Variants in FHIP1A observed in about 807,000 individuals in gnomAD.
FHIP1A encodes FHF complex subunit HOOK-interacting protein 1A.
Under a neutral mutation model 88.6 loss-of-function variants are expected in FHIP1A, and 61 were observed. The observed-to-expected ratio is 0.69, with a 90% confidence interval of 0.56 to 0.85. FHIP1A has a LOEUF of 0.85. Ranked by LOEUF, FHIP1A falls within the 40% of genes least tolerant of loss-of-function variation. The pLI, the probability that FHIP1A is intolerant of heterozygous loss-of-function variation, is 0.00. For synonymous variants in FHIP1A, 478 were observed against 496.0 expected (o/e 0.96, Z 0.48); for missense variants, 1,154 against 1,273.5 (o/e 0.91, Z 1.43).
At chr4:151,476,728 A>G (rs1729721738) in intron 2 of FHIP1A, among the ~76,000 whole-genome samples, 1 of 152,232 alleles carries the variant, frequency 6.6e-6, no homozygotes, top group African/African-American at 2.4e-5. Context: ...TAATGGGAAT[A>G]TGTGACTCAA....
intron 1 of FHIP1A, among the ~76,000 whole-genome samples, chr4:151,436,961 T>A (rs1178141577): frequency 2.0e-5 from 3 of 152,144 alleles, no homozygotes; most frequent in Non-Finnish European, 4.4e-5. Context: ...ATCTAAATAC[T>A]ATGCAAATAG....
chr4:151,614,993 T>G (rs1735465596), intron 7 of FHIP1A, among the ~76,000 whole-genome samples: 1 of 152,164 alleles, frequency 6.6e-6, no homozygotes, highest in South Asian at 2.1e-4. Flanking sequence ...CAGAAGCTGT[T>G]TTCTGCAGTA....
chr4:151,640,412 C>G (rs1736542220), intron 9 of FHIP1A, among the ~76,000 whole-genome samples: 1 of 152,116 alleles, frequency 6.6e-6, no homozygotes, highest in South Asian at 2.1e-4. Context: ...GAAAACAAAT[C>G]CAATCTTAAA....
chr4:151,617,538 G>A (rs1035704288), intron 7 of FHIP1A, among the ~76,000 whole-genome samples: 1 of 152,050 alleles, frequency 6.6e-6, no homozygotes, highest in South Asian at 2.1e-4. Flanking sequence ...GTTCATTCTT[G>A]CTCCCGTGTT....
chr4:151,537,499 C>T (rs566254065), intron 3 of FHIP1A, among the ~76,000 whole-genome samples: 84 of 152,214 alleles, frequency 5.5e-4, no homozygotes, highest in African/African-American at 1.7e-3. Flanking sequence ...AGACACTAGT[C>T]CTTTTTCAAG....
intron 11 of FHIP1A, among the ~76,000 whole-genome samples, chr4:151,652,572 A>G (rs1737068099): frequency 6.6e-6 from 1 of 152,238 alleles, no homozygotes. Flanking sequence ...CATTAAAGGA[A>G]TTCACAGACT....
intron 1 of FHIP1A, chr4:151,436,638 G>T (rs1158890713): frequency 6.6e-6 from 1 of 152,146 alleles, no homozygotes; most frequent in African/African-American, 2.4e-5. Flanking sequence ...ACTTGACAAA[G>T]TGTCATCTTT....
intron 3 of FHIP1A, among the ~76,000 whole-genome samples, chr4:151,560,670 C>G (rs1268198521): frequency 6.6e-6 from 1 of 152,060 alleles, no homozygotes; most frequent in Non-Finnish European, 1.5e-5. Context: ...ATCAAGAGTA[C>G]AGTGATCAGT....
chr4:151,524,907 A>G (rs1008349924), intron 3 of FHIP1A, among the ~76,000 whole-genome samples: 2 of 152,224 alleles, frequency 1.3e-5, no homozygotes, highest in African/African-American at 4.8e-5. Flanking sequence ...GAACTAAGAT[A>G]CTATAATAAA....
chr4:151,487,423 T>A (rs1015288495), intron 3 of FHIP1A, among the ~76,000 whole-genome samples: 1 of 152,146 alleles, frequency 6.6e-6, no homozygotes, highest in African/African-American at 2.4e-5. Flanking sequence ...TGCTTTTTCA[T>A]GTTGGCTAGG....
intron 9 of FHIP1A, among the ~76,000 whole-genome samples, chr4:151,639,927 C>T (rs890362858): frequency 6.6e-6 from 1 of 152,168 alleles, no homozygotes; most frequent in Non-Finnish European, 1.5e-5. Context: ...GAGACCTGGT[C>T]TTCCCCTAGT....
intron 3 of FHIP1A, among the ~76,000 whole-genome samples, chr4:151,562,588 A>C (rs1733219193): frequency 6.6e-6 from 1 of 152,170 alleles, no homozygotes; most frequent in Non-Finnish European, 1.5e-5. Flanking sequence ...TCTTTCCCTT[A>C]AGAATTTTTA....
chr4:151,600,734 CTT>C (rs1734837329), intron 7 of FHIP1A, among the ~76,000 whole-genome samples: 1 of 152,130 alleles, frequency 6.6e-6, no homozygotes, highest in Admixed American at 6.5e-5. Flanking sequence ...TCTTTCCCTC[CTT>C]CCACACAGCC....
At chr4:151,582,495 A>T (rs1734062597) in intron 5 of FHIP1A, among the ~76,000 whole-genome samples, 1 of 152,164 alleles carries the variant, frequency 6.6e-6, no homozygotes, top group African/African-American at 2.4e-5. Flanking sequence ...AGAGAACTTT[A>T]ATAACTGCCT....
chr4:151,482,686 C>T (rs2126635709), intron 3 of FHIP1A, 38 bp downstream of exon 3: 1 of 151,478 alleles, frequency 6.6e-6, no homozygotes, highest in East Asian at 1.9e-4. Flanking sequence ...GACATGTGTT[C>T]AGTAATGCTC....
chr4:151,519,522 A>G (rs1274037830), intron 3 of FHIP1A, among the ~76,000 whole-genome samples: 1 of 152,114 alleles, frequency 6.6e-6, no homozygotes, highest in Non-Finnish European at 1.5e-5. Context: ...TTAAGAAAAA[A>G]GCTGCTATGG....
chr4:151,530,050 A>G (rs1171908848), intron 3 of FHIP1A, among the ~76,000 whole-genome samples: 3 of 152,202 alleles, frequency 2.0e-5, no homozygotes, highest in African/African-American at 7.2e-5. Flanking sequence ...ATGCCTTCTA[A>G]GAAAGATTCT....
intron 7 of FHIP1A, among the ~76,000 whole-genome samples, chr4:151,597,544 G>T (rs1383968366): frequency 6.6e-6 from 1 of 152,224 alleles, no homozygotes; most frequent in Non-Finnish European, 1.5e-5. Context: ...TCCCTTGGCA[G>T]AACTCGAGCG....
chr4:151,469,254 T>G (rs1275851377), intron 2 of FHIP1A, among the ~76,000 whole-genome samples: 1 of 152,228 alleles, frequency 6.6e-6, no homozygotes, highest in African/African-American at 2.4e-5. Flanking sequence ...CAGGCGTTAC[T>G]GTATACATTA....
Sources: gnomAD v4.1 joint callset for allele counts (sites outside exome capture counted in the v4.1 genomes callset) on GRCh38, gnomAD v4.1.1 for gene constraint, MANE v1.5 for transcripts, NCBI Gene and HGNC (gene_info 2026-07-23, HGNC 2026-07-21) for gene names.